Variants in H6PD observed in about 807,000 individuals in gnomAD.
The protein encoded by H6PD is GDH/6PGL endoplasmic bifunctional protein.
Under a neutral mutation model 61.2 loss-of-function variants are expected in H6PD, and 48 were observed. The observed-to-expected ratio is 0.78, with a 90% CI of 0.62 to 1.00. The LOEUF (loss-of-function observed/expected upper bound fraction) is 1.00. H6PD is among the 50% of genes least tolerant of loss of function. The pLI, the probability that H6PD is intolerant of heterozygous loss-of-function variation, is 0.00. For missense variants in H6PD, 1,093 were observed against 1,065.0 expected (o/e 1.03, Z -0.37); for synonymous variants, 480 against 457.9 (o/e 1.05, Z -0.62).
intron 1 of H6PD, chr1:9,242,482 CAT>C (rs1452717776): frequency 1.6e-6 from 1 of 631,624 alleles, no homozygotes; most frequent in Non-Finnish European, 2.0e-6. Flanking sequence ...GTGCTGGCAA[CAT>C]AACAGATAAG....
At chr1:9,253,858 C>T (rs779840659) in intron 3 of H6PD, among the ~76,000 whole-genome samples, 21 of 152,248 alleles carry the variant, frequency 1.4e-4, no homozygotes, top group Admixed American at 2.0e-4. Flanking sequence ...CCTTCTCTTA[C>T]AGCATCTGTC....
rs145340161 is a variant in H6PD at position 9,247,469 on chromosome 1, G to A, written c.745+386G>A. ...CCCTGCCTGGGGCACTCCCCCTCGC[G>A]TCCCCCTCACCTTCTGACCCCTCTC... On this transcript the variant is annotated intron_variant, in intron 3 of 4. Transcript: ENST00000377403. 2.8e-3 allele frequency among the ~76,000 whole-genome samples: 432 copies of A among 151,940 alleles called. 4 individuals are homozygous for A. Among genetic ancestry groups the A allele is most frequent in the African/African-American group, 9.7e-3 (404 of 41,452 alleles).
intron 3 of H6PD, among the ~76,000 whole-genome samples, chr1:9,255,596 A>G (rs1196833585): frequency 1.3e-5 from 2 of 152,064 alleles, no homozygotes; most frequent in East Asian, 1.9e-4. Context: ...GTCCCTTTCA[A>G]ATGCAAGATA....
chr1:9,249,494 T>A (rs1389370664), intron 3 of H6PD, among the ~76,000 whole-genome samples: 1 of 152,176 alleles, frequency 6.6e-6, no homozygotes, highest in African/African-American at 2.4e-5. Context: ...TGGAGCCCTG[T>A]TGTCACAGCT....
At chr1:9,261,935 C>G in intron 3 of H6PD, 124 bp from the exon 4 acceptor site, 1 of 981,012 alleles carries the variant, frequency 1.0e-6, no homozygotes, top group Non-Finnish European at 1.6e-6. Flanking sequence ...TTTTATAGGC[C>G]CTGTGGACTG....
chr1:9,255,094 A>G (rs967196086), intron 3 of H6PD, among the ~76,000 whole-genome samples: 9 of 152,278 alleles, frequency 5.9e-5, no homozygotes, highest in African/African-American at 2.2e-4. Context: ...GTCACCAGTT[A>G]GTGGACATTT....
intron 1 of H6PD, among the ~76,000 whole-genome samples, chr1:9,239,530 AAAAAACAAC>A (rs1193098222): frequency 6.6e-6 from 1 of 152,232 alleles, no homozygotes; most frequent in African/African-American, 2.4e-5. Context: ...AAAAACAGAC[AAAAAACAAC>A]AAAAACAAAA....
chr1:9,242,774 C>T (rs1557735999), intron 1 of H6PD: 6 of 985,314 alleles, frequency 6.1e-6, no homozygotes, highest in South Asian at 9.4e-5. Flanking sequence ...AGCTCTGAAG[C>T]GCAGCCTGCC....
chr1:9,257,649 GAAACAGGCC>G (rs1279963201), intron 3 of H6PD, among the ~76,000 whole-genome samples: 1 of 152,234 alleles, frequency 6.6e-6, no homozygotes, highest in African/African-American at 2.4e-5. Flanking sequence ...GGAAGAAAGA[GAAACAGGCC>G]TGAATTACAG....
intron 1 of H6PD, among the ~76,000 whole-genome samples, chr1:9,243,869 G>T (rs4908831): frequency 1.5e-5 from 2 of 129,214 alleles, no homozygotes; most frequent in East Asian, 2.4e-4. Context: ...GGAAGAGGCG[G>T]GGGCGGTGGG....
chr1:9,249,787 T>C (rs1268055521), intron 3 of H6PD, among the ~76,000 whole-genome samples: 2 of 152,208 alleles, frequency 1.3e-5, no homozygotes, highest in African/African-American at 2.4e-5. Context: ...CCCTCACTGG[T>C]TGGCTTGTTT....
chr1:9,250,606 C>T (rs1357286691), intron 3 of H6PD, among the ~76,000 whole-genome samples: 1 of 152,158 alleles, frequency 6.6e-6, no homozygotes, highest in East Asian at 1.9e-4. Context: ...TGGTGGATCC[C>T]AGCTGCTCTC....
chr1:9,241,553 C>T (rs764673473), intron 1 of H6PD, among the ~76,000 whole-genome samples: 1 of 152,106 alleles, frequency 6.6e-6, no homozygotes, highest in South Asian at 2.1e-4. Context: ...TGTGCCACCA[C>T]GCCCAGCTAG....
At chr1:9,250,375 C>G (rs529794234) in intron 3 of H6PD, among the ~76,000 whole-genome samples, 13 of 151,370 alleles carry the variant, frequency 8.6e-5, no homozygotes, top group African/African-American at 1.5e-4. Context: ...TCCCCCACTC[C>G]CCACCCCACA....
At chr1:9,239,390 G>A (rs780402980) in intron 1 of H6PD, among the ~76,000 whole-genome samples, 17 of 152,142 alleles carry the variant, frequency 1.1e-4, no homozygotes, top group Non-Finnish European at 2.2e-4. Context: ...CCCAGAGCCC[G>A]ATCTGGAAGC....
In H6PD at chr1:9,235,071, G is replaced by GCGCC. The variant is rs979966935; in HGVS notation, c.-11+7_-11+10dup. ...TGCGCCGCCGCGCGAGAGGAAGTAAGCGCCCCCCGCCGGCCCCGCCGCCGC... is the reference window on the plus strand; with the variant it reads ...TGCGCCGCCGCGCGAGAGGAAGTAAGCGCCCGCCCCCCGCCGGCCCCGCCGCCGC... On this transcript the variant is annotated splice_donor_region_variant and intron_variant, in intron 1 of 4. Coordinates refer to ENST00000377403, the MANE Select transcript of H6PD (RefSeq NM_004285.4). The GCGCC allele has an allele frequency of 1.2e-4, 18 of 148,042 alleles. No individual in the cohort carries two copies. The highest frequency in any genetic ancestry group is 4.4e-4 in the African/African-American group (18 of 40,968). The allele number at this position is 148,042 out of a possible 1,614,324, so 9.2% of individuals were successfully genotyped here.
intron 3 of H6PD, among the ~76,000 whole-genome samples, chr1:9,256,966 T>C (rs1641539983): frequency 6.6e-6 from 1 of 152,178 alleles, no homozygotes; most frequent in African/African-American, 2.4e-5. Context: ...TGGATCTTTT[T>C]GTCTCTGTGT....
intron 1 of H6PD, among the ~76,000 whole-genome samples, chr1:9,241,158 A>T (rs1031585708): frequency 1.6e-4 from 24 of 152,178 alleles, no homozygotes; most frequent in African/African-American, 5.5e-4. Flanking sequence ...GAGCAATGGT[A>T]TACTACCCTT....
intron 3 of H6PD, among the ~76,000 whole-genome samples, chr1:9,258,065 G>A (rs749819632): frequency 3.3e-5 from 5 of 152,242 alleles, no homozygotes; most frequent in Non-Finnish European, 5.9e-5. Context: ...CCTCACTCGC[G>A]GAGCAGGAGT....
Sources: gnomAD v4.1 joint callset for allele counts (sites outside exome capture counted in the v4.1 genomes callset) on GRCh38, gnomAD v4.1.1 for gene constraint, MANE v1.5 for transcripts, NCBI Gene and HGNC (gene_info 2026-07-23, HGNC 2026-07-21) for gene names.